The following PRKACA variants were observed in gnomAD, a reference collection of about 807,000 sequenced individuals.
PRKACA encodes the protein protein kinase cAMP-activated catalytic subunit alpha.
In PRKACA, 9 loss-of-function variants were observed where a neutral mutation model predicts 45.8. The observed-to-expected ratio is 0.20, with a 90% CI of 0.12 to 0.34. The LOEUF (loss-of-function observed/expected upper bound fraction) is 0.34. Ranked by LOEUF, PRKACA falls within the 10% of genes least tolerant of loss-of-function variation. PRKACA has a pLI of 1.00. For missense variants in PRKACA, 238 were observed against 458.6 expected, an observed-to-expected ratio of 0.52 and a Z score of 4.39; for synonymous variants, 160 against 178.6, an observed-to-expected ratio of 0.90 and a Z score of 0.83.
At chr19:14,094,698 A>C (rs1378368395) in intron 8 of PRKACA, among the ~76,000 whole-genome samples, 16 of 152,228 alleles carry the variant, frequency 1.1e-4, no homozygotes. Flanking sequence ...TAGAACTTGC[A>C]TTCTCAGCTG....
Position 14,097,673 on chromosome 19 carries a change from A to G in PRKACA, c.548T>C (p.Val183Ala). The change falls in exon 7 of 10, where the codon GTG becomes GCG. Residue 183 changes from valine to alanine, a missense_variant and splice_region_variant. Coordinates refer to ENST00000308677, the MANE Select transcript of PRKACA (RefSeq NM_002730.4). The surrounding 1 kb of genome is among the most constrained non-coding windows in gnomAD (Gnocchi z 5.4). ...GCGCTTGGCGAAACCGAAGTCTGTC[A>G]CCTGTGGGCACAAGAACAGGCAGTT... is the stretch of plus-strand genomic sequence containing the variant. ...LLIDQQGYIQVTDFGFAKRVK... is the reference protein window; with the variant it reads ...LLIDQQGYIQATDFGFAKRVK... 1.2e-6 allele frequency: 2 copies of G among 1,609,394 alleles called. No homozygotes were observed. Among genetic ancestry groups the G allele is most frequent in the Non-Finnish European group, 1.7e-6 (2 of 1,176,758 alleles).
chr19:14,108,352 T>C (rs1330131384), intron 1 of PRKACA: 3 of 154,138 alleles, frequency 1.9e-5, no homozygotes, highest in Admixed American at 1.3e-4. Context: ...CGTGTGATGA[T>C]AGTGCCAGAT....
intron 8 of PRKACA, among the ~76,000 whole-genome samples, chr19:14,094,212 A>G (rs931456709): frequency 7.3e-6 from 1 of 137,854 alleles, no homozygotes; most frequent in Admixed American, 7.4e-5. Flanking sequence ...AAAAAAAAAA[A>G]TAGCCTCACT....
At chr19:14,103,755 T>A (rs1977514173) in intron 3 of PRKACA, among the ~76,000 whole-genome samples, 2 of 152,108 alleles carry the variant, frequency 1.3e-5, no homozygotes, top group South Asian at 2.1e-4. Flanking sequence ...ATTTTAAGTA[T>A]CTAAAATATA....
intron 3 of PRKACA, among the ~76,000 whole-genome samples, chr19:14,106,168 A>T (rs1454942358): frequency 6.6e-6 from 1 of 151,918 alleles, no homozygotes; most frequent in African/African-American, 2.4e-5. Context: ...TGGGCAACAC[A>T]GCAAGACCCC....
At chr19:14,111,999 C>G (rs761958745) in intron 1 of PRKACA, among the ~76,000 whole-genome samples, 7 of 152,208 alleles carry the variant, frequency 4.6e-5, no homozygotes, top group Non-Finnish European at 1.0e-4. Context: ...CCTGGCTGTC[C>G]GCTGGTGCCC....
chr19:14,113,676 G>C (rs1227291978), intron 1 of PRKACA, among the ~76,000 whole-genome samples: 1 of 152,150 alleles, frequency 6.6e-6, no homozygotes, highest in Non-Finnish European at 1.5e-5. Context: ...TCTGGGGCAG[G>C]AATGCCCAGC....
rs1977132620 is a variant in PRKACA, at chr19:14,093,063, A to AAAAAAAGG, written c.*48_*49insCCTTTTTT. On this transcript the variant is annotated 3_prime_UTR_variant, in exon 10 of 10. Transcript: ENST00000308677. ...TCCAACCCTCCCACCCCCCCGACCA[A>AAAAAAAGG]AAAAAAGAAAAAAGAAAAAAGAAAA... 9 of 456,746 alleles carry AAAAAAAGG rather than the reference A, an allele frequency of 2.0e-5. No individual in the cohort carries two copies. The highest frequency in any genetic ancestry group is 3.1e-5 in the Non-Finnish European group (9 of 287,424). The allele number at this position is 456,746 out of a possible 1,614,324, so 28.3% of individuals were successfully genotyped here.
chr19:14,094,047 A>G (rs1000965181), intron 8 of PRKACA, among the ~76,000 whole-genome samples: 1 of 152,178 alleles, frequency 6.6e-6, no homozygotes, highest in African/African-American at 2.4e-5. Flanking sequence ...AAGTTTTTGT[A>G]GAGACAGGGT....
In PRKACA at chr19:14,102,850, A is replaced by G; in HGVS notation, c.302T>C (p.Phe101Ser). ...NEKRILQAVN[F>S]PFLVKLEFSF... is the part of the protein sequence containing the mutation. ...GAACTCGAGTTTGACGAGGAACGGA[A>G]AGTTGACAGCTTGCAGGATGCGCTT... The change falls in exon 4 of 10, where the codon TTT becomes TCT. Residue 101 changes from phenylalanine to serine, a missense_variant. Transcript: ENST00000308677. 6.2e-7 allele frequency: 1 copy of G among 1,614,176 alleles called. No individual in the cohort carries two copies. Among genetic ancestry groups the G allele is most frequent in the East Asian group, 2.2e-5 (1 of 44,880 alleles).
At chr19:14,102,383 A>AC (rs1381058323) in intron 4 of PRKACA, among the ~76,000 whole-genome samples, 10 of 152,038 alleles carry the variant, frequency 6.6e-5, no homozygotes, top group African/African-American at 2.4e-4. Context: ...TGTCATGACA[A>AC]CCCCACCAGG....
intron 3 of PRKACA, among the ~76,000 whole-genome samples, chr19:14,104,089 G>A (rs1272943755): frequency 6.6e-6 from 1 of 152,182 alleles, no homozygotes; most frequent in African/African-American, 2.4e-5. Context: ...TGTAATCCCA[G>A]CACTTTGAGA....
At chr19:14,106,933 G>A (rs766812118) in intron 2 of PRKACA, 45 bp from the exon 3 acceptor site, 80 of 1,609,432 alleles carry the variant, frequency 5.0e-5, no homozygotes, top group Non-Finnish European at 5.9e-5. Flanking sequence ...CCCTCCCCGC[G>A]GCCTGCTTGG....
intron 1 of PRKACA, among the ~76,000 whole-genome samples, chr19:14,113,083 C>T (rs961013580): frequency 3.3e-5 from 5 of 152,220 alleles, no homozygotes; most frequent in South Asian, 2.1e-4. Context: ...TTGTTTTGCT[C>T]CTATGCGGGG....
intron 4 of PRKACA, chr19:14,101,133 G>C (rs1977430204): frequency 1.9e-6 from 1 of 533,194 alleles, no homozygotes; most frequent in Admixed American, 3.1e-5. Context: ...GCCTTGGCTG[G>C]AGAGAGAACT....
chr19:14,102,995 T>A (rs1365472479), intron 3 of PRKACA, 81 bp from the exon 4 acceptor site: 1 of 1,152,956 alleles, frequency 8.7e-7, no homozygotes, highest in Non-Finnish European at 1.3e-6. Flanking sequence ...GAACTAGGGA[T>A]GCCGGAGCCA....
Position 14,102,846 on chromosome 19 carries a change from C to T in PRKACA, c.306G>A (p.Pro102=), listed in dbSNP as rs202032822. 1.1e-4 allele frequency: 185 copies of T among 1,614,132 alleles called. 1 individual carries two copies. In the East Asian group the frequency reaches 1.6e-3, roughly 14 times the overall value. ...AGGAGAACTCGAGTTTGACGAGGAA[C>T]GGAAAGTTGACAGCTTGCAGGATGC... ...EKRILQAVNF[P]FLVKLEFSFK... is the part of the protein sequence containing the mutation. Residue 102 remains proline, a synonymous_variant, in exon 4 of 10, where the codon CCG becomes CCA. Coordinates refer to ENST00000308677, the MANE Select transcript of PRKACA (RefSeq NM_002730.4).
chr19:14,102,944 G>T (rs1337976942), intron 3 of PRKACA, 30 bp from the exon 4 acceptor site: 1 of 1,560,402 alleles, frequency 6.4e-7, no homozygotes, highest in East Asian at 2.2e-5. Context: ...AGGGCAGAAA[G>T]GAGGGGGAGG....
At chr19:14,111,515 T>C (rs190952056) in intron 1 of PRKACA, among the ~76,000 whole-genome samples, 1 of 152,130 alleles carries the variant, frequency 6.6e-6, no homozygotes, top group African/African-American at 2.4e-5. Flanking sequence ...GAGTCCTAGA[T>C]GGGTGCCTGG....
Sources: allele counts gnomAD v4.1 joint callset (sites outside exome capture counted in the v4.1 genomes callset), GRCh38; gene constraint gnomAD v4.1.1; non-coding constraint Gnocchi (gnomAD v3.1); transcripts MANE v1.5; gene names NCBI Gene and HGNC (gene_info 2026-07-23, HGNC 2026-07-21).